Variants in TMEM150B observed in about 807,000 individuals in gnomAD.
The protein encoded by TMEM150B is transmembrane protein 150B.
TMEM150B carries 33 observed loss-of-function variants against 25.2 expected under a neutral mutation model. That is an observed-to-expected ratio of 1.31 (90% CI 0.99 to 1.75). The LOEUF is 1.75. Ranked by LOEUF, TMEM150B falls within the 40% of genes most tolerant of loss-of-function variation. The pLI, the probability that TMEM150B is intolerant of heterozygous loss-of-function variation, is 0.00. For synonymous variants in TMEM150B, 133 were observed against 134.8 expected (o/e 0.99, Z 0.09); for missense variants, 322 against 306.1 (o/e 1.05, Z -0.39).
chr19:55,324,719 C>T lies in TMEM150B; in HGVS notation c.-154+553G>A, dbSNP rs548171220. 166 of 985,270 alleles carry T rather than the reference C, an allele frequency of 1.7e-4. 2 individuals are homozygous for T. In the South Asian group the frequency reaches 6.8e-3, roughly 40 times the overall value. The allele number at this position is 985,270 out of a possible 1,614,324, so 61.0% of individuals were successfully genotyped here. A position where few individuals can be genotyped will look rare whatever the true frequency, so the allele number is the denominator to read the frequency against. On this transcript the variant is annotated intron_variant, in intron 1 of 7. Transcript: ENST00000326652. ...CTGTCCCAGTGGGGCTGATAGAGGGCAAAGCTCTCCAAGTCCTCCTCACCC... is the reference window on the plus strand; with the variant it reads ...CTGTCCCAGTGGGGCTGATAGAGGGTAAAGCTCTCCAAGTCCTCCTCACCC...
intron 7 of TMEM150B, 130 bp from the exon 8 acceptor site, chr19:55,313,185 G>C: frequency 1.1e-6 from 1 of 920,394 alleles, no homozygotes; most frequent in Non-Finnish European, 1.6e-6. Flanking sequence ...TTCCCCCGTA[G>C]CTCCTCACAG....
At chr19:55,311,242 A>G (rs1329467188), downstream of TMEM150B, among the ~76,000 whole-genome samples, 1 of 152,170 alleles carries the variant, frequency 6.6e-6, no homozygotes, top group African/African-American at 2.4e-5. Context: ...GATTACAGGC[A>G]TGAGCCACTG....
Position 55,322,709 on chromosome 19 carries a change from G to A in TMEM150B, c.-119C>T, listed in dbSNP as rs2089238683. On this transcript the variant is annotated 5_prime_UTR_variant, in exon 2 of 8. Coordinates refer to ENST00000326652, the MANE Select transcript of TMEM150B (RefSeq NM_001282011.2). ...GGGGCTGGGTGAGCTCAGGGAAGAA[G>A]GGCTGGCATTCGGGGTGGGGCTCAG... 1 of 985,342 alleles carries A rather than the reference G, an allele frequency of 1.0e-6. No homozygotes were observed. The highest frequency in any genetic ancestry group is 1.2e-6 in the Non-Finnish European group (1 of 830,054). 61.0% of individuals were successfully genotyped at this position (985,342 alleles called of 1,614,324 possible). A position where few individuals can be genotyped will look rare whatever the true frequency, so the allele number is the denominator to read the frequency against.
At chr19:55,320,874 A>T in intron 3 of TMEM150B, 95 bp downstream of exon 3, 1 of 1,439,904 alleles carries the variant, frequency 6.9e-7, no homozygotes. Flanking sequence ...CCAGGGATCC[A>T]GGCCCCCAAC....
Position 55,322,667 on chromosome 19 carries a change from C to T in TMEM150B, c.-77G>A. The T allele has an allele frequency of 1.0e-6, 1 of 985,274 alleles. No homozygotes were observed. Among genetic ancestry groups the T allele is most frequent in the South Asian group, 4.7e-5 (1 of 21,280 alleles). The allele number at this position is 985,274 out of a possible 1,614,324, so 61.0% of individuals were successfully genotyped here. ...GCTCACCTCTCCAAGCTTCCTGGGG[C>T]TCTCAGTCCTGGAGCTGGGGCTGGG... is the stretch of plus-strand genomic sequence containing the variant. On this transcript the variant is annotated 5_prime_UTR_variant, in exon 2 of 8. Coordinates refer to ENST00000326652, the MANE Select transcript of TMEM150B (RefSeq NM_001282011.2).
intron 2 of TMEM150B, among the ~76,000 whole-genome samples, chr19:55,321,830 T>C (rs2089214969): frequency 6.6e-6 from 1 of 152,048 alleles, no homozygotes. Flanking sequence ...GGGCCTCAGG[T>C]CGGCCTGCTC....
At chr19:55,321,876 T>C (rs905598286) in intron 2 of TMEM150B, among the ~76,000 whole-genome samples, 12 of 152,266 alleles carry the variant, frequency 7.9e-5, no homozygotes, top group East Asian at 3.9e-4. Flanking sequence ...CTGGGAGATA[T>C]GGAGCACTGA....
rs2089023000 is a variant in TMEM150B, at chr19:55,316,919, G to A, written c.372C>T (p.Phe124=). ...GCCAGAAGTAGACGTTACCCAAGAT[G>A]AAGGCAAGGAAGGCCCCTGCCAAGT... ...PTHLAGAFLA[F]ILGNVYFWLQ... Residue 124 remains phenylalanine, a synonymous_variant, in exon 7 of 8, where the codon TTC becomes TTT. Coordinates refer to ENST00000326652, the MANE Select transcript of TMEM150B (RefSeq NM_001282011.2). The A allele has an allele frequency of 6.2e-7, 1 of 1,606,656 alleles. No homozygotes were observed. The highest frequency in any genetic ancestry group is 2.2e-5 in the East Asian group (1 of 44,584).
Position 55,319,970 on chromosome 19 carries a change from C to T in TMEM150B, c.324+69G>A, listed in dbSNP as rs558404591. The T allele has an allele frequency of 1.6e-4, 263 of 1,608,022 alleles. 2 individuals carry two copies. The African/African-American group carries it at 2.7e-3, about 17-fold the overall frequency. On this transcript the variant is annotated intron_variant, in intron 6 of 7. Coordinates refer to ENST00000326652, the MANE Select transcript of TMEM150B (RefSeq NM_001282011.2). ...CCCCGAGACAATAAGCCTATGGCCA[C>T]GGGGCATGCTGGGAGTTGTAGTTCC...
downstream of TMEM150B, among the ~76,000 whole-genome samples, chr19:55,309,989 C>T (rs997535960): frequency 2.0e-5 from 3 of 152,172 alleles, no homozygotes; most frequent in Admixed American, 6.6e-5. Flanking sequence ...TGAAAGGAAA[C>T]GGCCCAGCGT....
At chr19:55,319,064 G>A (rs972981437) in intron 6 of TMEM150B, among the ~76,000 whole-genome samples, 7 of 151,888 alleles carry the variant, frequency 4.6e-5, no homozygotes, top group Non-Finnish European at 1.0e-4. Flanking sequence ...CAAAGTCCTG[G>A]GATTACAGGC....
At chr19:55,324,009 T>C (rs1202904417) in intron 1 of TMEM150B, among the ~76,000 whole-genome samples, 2 of 150,438 alleles carry the variant, frequency 1.3e-5, no homozygotes, top group Non-Finnish European at 3.0e-5. Flanking sequence ...AGTTTCACCA[T>C]GTTGGCCAGG....
At chr19:55,313,926 G>A (rs891576294) in intron 7 of TMEM150B, among the ~76,000 whole-genome samples, 5 of 152,230 alleles carry the variant, frequency 3.3e-5, no homozygotes, top group African/African-American at 1.2e-4. Context: ...GGGCTGAGAA[G>A]TGGTGGCTCA....
In TMEM150B at chr19:55,316,833, G is replaced by A; in HGVS notation, c.458C>T (p.Pro153Leu). The A allele has an allele frequency of 1.3e-6, 2 of 1,584,480 alleles. No homozygotes were observed. ...GACGCTGCAGAGGCCCAGGCGGAGG[G>A]GCCCAATCCAGGCAGCCCCGGGCTG... Reference protein sequence around the residue: ...LPQPGAAWIGPLRLGLCSVCT... With the variant: ...LPQPGAAWIGLLRLGLCSVCT... The change falls in exon 7 of 8, where the codon CCC becomes CTC. Residue 153 changes from proline (P) to leucine (L), a missense_variant. Physicochemically the swap from Pro to Leu is moderately conservative, Grantham distance 98. Coordinates refer to ENST00000326652, the MANE Select transcript of TMEM150B (RefSeq NM_001282011.2).
intron 4 of TMEM150B, 45 bp from the exon 5 acceptor site, chr19:55,320,503 C>A: frequency 6.2e-7 from 1 of 1,611,308 alleles, no homozygotes; most frequent in South Asian, 1.1e-5. Flanking sequence ...AAGCTAGGGC[C>A]TCCACTTTCC....
rs2088849677 is a variant in TMEM150B at position 55,312,932 on chromosome 19, G to T, written c.629C>A (p.Thr210Asn). 6.2e-7 allele frequency: 1 copy of T among 1,612,156 alleles called. No homozygotes were observed. Among genetic ancestry groups the T allele is most frequent in the Non-Finnish European group, 8.5e-7 (1 of 1,179,406 alleles). ...GCTGGGCCACGGCTGAACACACAGG[G>T]TGCAGCTCTCCAGGGCGGAGAAGTC... Reference protein sequence around the residue: ...AVDFSALESCTLCVQPWPSLS... With the variant: ...AVDFSALESCNLCVQPWPSLS... The change falls in exon 8 of 8, where the codon ACC becomes AAC. Residue 210 changes from threonine (T) to asparagine (N), a missense_variant. Coordinates refer to ENST00000326652, the MANE Select transcript of TMEM150B (RefSeq NM_001282011.2).
At chr19:55,324,853 G>C (rs2089294592) in intron 1 of TMEM150B, 1 of 985,170 alleles carries the variant, frequency 1.0e-6, no homozygotes, top group Admixed American at 6.2e-5. Context: ...CCTGCCCTCA[G>C]GGGAATCCCT....
intron 7 of TMEM150B, among the ~76,000 whole-genome samples, chr19:55,313,519 C>T (rs1336677564): frequency 1.3e-5 from 2 of 152,152 alleles, no homozygotes; most frequent in African/African-American, 4.8e-5. Context: ...CTGCTCACTC[C>T]CAGAGCCTAA....
In TMEM150B at chr19:55,320,981, C is replaced by G; in HGVS notation, c.56G>C (p.Gly19Ala). Residue 19 changes from glycine to alanine, a missense_variant, in exon 3 of 8, where the codon GGC becomes GCC. Gly to Ala is a moderately conservative substitution (Grantham distance 60). Transcript: ENST00000326652. ...PVFLAVWAIS[G>A]VWIVFAIAVT... ...CTCTGACACTCACACGATCCAGACG[C>G]CAGAGATAGCCCAGACAGCTAGGAA... 6.2e-7 allele frequency: 1 copy of G among 1,613,952 alleles called. No individual in the cohort carries two copies. Among genetic ancestry groups the G allele is most frequent in the South Asian group, 1.1e-5 (1 of 91,078 alleles).
Sources: allele counts gnomAD v4.1 joint callset (sites outside exome capture counted in the v4.1 genomes callset), GRCh38; gene constraint gnomAD v4.1.1; transcripts MANE v1.5; gene names NCBI Gene and HGNC (gene_info 2026-07-23, HGNC 2026-07-21).